Variants in GRM6 observed in about 807,000 individuals in gnomAD.
The protein encoded by GRM6 is glutamate metabotropic receptor 6, also known as metabotropic glutamate receptor 6.
Under a neutral mutation model 78.4 loss-of-function variants are expected in GRM6, and 73 were observed. The ratio of observed to expected loss-of-function variants is 0.93; its 90% CI spans 0.77 to 1.13. GRM6 has a LOEUF of 1.13. GRM6 is among the 50% of genes most tolerant of loss of function. GRM6 has a pLI of 0.00. For synonymous variants in GRM6, 580 were observed against 555.0 expected, an observed-to-expected ratio of 1.05 and a Z score of -0.63; for missense variants, 1,251 against 1,256.4, an observed-to-expected ratio of 1.00 and a Z score of 0.07.
intron 10 of GRM6, among the ~76,000 whole-genome samples, chr5:178,982,262 G>A (rs4423985): frequency 0.026 from 3,900 of 152,300 alleles, 80 homozygotes; most frequent in South Asian, 0.074. Context: ...ATGGGCTGAC[G>A]CATTAATGGG....
rs1381420140 is a variant in GRM6, at chr5:178,981,088, C to T, written c.*569G>A. The T allele has an allele frequency of 6.2e-6, 1 of 161,620 alleles. No homozygotes were observed. Among genetic ancestry groups the T allele is most frequent in the Non-Finnish European group, 1.4e-5 (1 of 73,892 alleles). The allele number at this position is 161,620 out of a possible 1,614,324, so 10.0% of individuals were successfully genotyped here. A position where few individuals can be genotyped will look rare whatever the true frequency, so the allele number is the denominator to read the frequency against. ...GTTCCTCAGCTCACTCCCGCGCCCACTGCAGGCCCTTCCCATGCTCACAGG... is the reference window on the plus strand; with the variant it reads ...GTTCCTCAGCTCACTCCCGCGCCCATTGCAGGCCCTTCCCATGCTCACAGG... On this transcript the variant is annotated 3_prime_UTR_variant, in exon 11 of 11. Transcript: ENST00000517717. The surrounding 1 kb of genome is among the most constrained non-coding windows in gnomAD (Gnocchi z 5.1).
intron 2 of GRM6, among the ~76,000 whole-genome samples, chr5:178,993,349 C>T (rs980590312): frequency 6.6e-6 from 1 of 152,114 alleles, no homozygotes; most frequent in Non-Finnish European, 1.5e-5. Flanking sequence ...AACTAGAGCT[C>T]TAGGCAGGGC....
At chr5:178,985,830 T>A in intron 9 of GRM6, 1 of 535,378 alleles carries the variant, frequency 1.9e-6, no homozygotes, top group Non-Finnish European at 3.4e-6. Context: ...GGTGCGATCT[T>A]GGCTCACAGC....
In GRM6 at chr5:178,992,357, C is replaced by T. The variant is rs1469122448; in HGVS notation, c.505-274G>A. 15 of 590,190 alleles carry T rather than the reference C, an allele frequency of 2.5e-5. No homozygotes were observed. Among genetic ancestry groups the T allele is most frequent in the East Asian group, 7.2e-5 (2 of 27,610 alleles). The allele number at this position is 590,190 out of a possible 1,614,324, so 36.6% of individuals were successfully genotyped here. On this transcript the variant is annotated intron_variant, in intron 2 of 10. Transcript: ENST00000517717. This position sits in a 1 kb window ranked among gnomAD's most constrained non-coding sequence, Gnocchi z 4.9. Reference sequence around the variant, plus strand: ...TGCAGGGCTGGGGAGAGGGCAGGACCGCCACATATACTGGTACAAGCTGTG... The same window carrying T: ...TGCAGGGCTGGGGAGAGGGCAGGACTGCCACATATACTGGTACAAGCTGTG...
Position 178,983,117 on chromosome 5 carries a change from C to T in GRM6, c.2229G>A (p.Lys743=), listed in dbSNP as rs1263171564. 1.9e-6 allele frequency: 3 copies of T among 1,614,166 alleles called. No homozygotes were observed. The highest frequency in any genetic ancestry group is 1.6e-4 in the Middle Eastern group (1 of 6,062). ...TGAGAGACAGATCCGACATGTCGCA[C>T]TTGAGCACCCCTCTGGCCTGCTCGG... is the stretch of plus-strand genomic sequence containing the variant. ...VDPEQARGVL[K]CDMSDLSLIG... is the part of the protein sequence containing the mutation. The change falls in exon 10 of 11, where the codon AAG becomes AAA. Residue 743 remains lysine, a synonymous_variant. Transcript: ENST00000517717.
In GRM6 at chr5:178,994,560, G is replaced by A. The variant is rs1282421382; in HGVS notation, c.385C>T (p.Arg129Cys). 1 of 1,337,884 alleles carries A rather than the reference G, an allele frequency of 7.5e-7. No homozygotes were observed. The highest frequency in any genetic ancestry group is 9.5e-7 in the Non-Finnish European group (1 of 1,050,174). The allele number at this position is 1,337,884 out of a possible 1,614,324, so 82.9% of individuals were successfully genotyped here. The change falls in exon 2 of 11, where the codon CGC becomes TGC. Residue 129 changes from arginine to cysteine, a missense_variant. Coordinates refer to ENST00000517717, the MANE Select transcript of GRM6 (RefSeq NM_000843.4). The stretch of plus-strand genomic sequence containing the variant: ...AGCGGAGGGACGCCTCCCGGGCAGC[G>A]CACGCCCACCTCGTCGCCGTCGCCG... ...GRGDGDEVGV[R>C]CPGGVPPLRP...
intron 9 of GRM6, chr5:178,985,763 A>G (rs1450343554): frequency 4.3e-6 from 2 of 462,434 alleles, no homozygotes; most frequent in Non-Finnish European, 8.4e-6. Flanking sequence ...TAAAAACGGC[A>G]TTTATCTTTT....
Position 178,991,949 on chromosome 5 carries a change from C to G in GRM6, c.639G>C (p.Trp213Cys), listed in dbSNP as rs2113343333. The G allele has an allele frequency of 6.2e-7, 1 of 1,614,146 alleles. No individual in the cohort carries two copies. The highest frequency in any genetic ancestry group is 2.2e-5 in the East Asian group (1 of 44,872). Residue 213 changes from tryptophan to cysteine, a missense_variant, in exon 3 of 11, where the codon TGG becomes TGC. Coordinates refer to ENST00000517717, the MANE Select transcript of GRM6 (RefSeq NM_000843.4). The surrounding 1 kb of genome is among the most constrained non-coding windows in gnomAD (Gnocchi z 5.0). ...CGGAGGCCAGCGTGGACACATAGTT[C>G]CATCCCAGTGCCCTCACGATGTCCA... ...AMVDIVRALG[W>C]NYVSTLASEG...
chr5:178,986,296 C>A lies in GRM6; in HGVS notation c.1958G>T (p.Arg653Leu), dbSNP rs62638622. The stretch of plus-strand genomic sequence containing the variant: ...CGTGCCCAGGCCCAGGAAGAGCCTG[C>A]GGGCGGCACAGACCGCGGCCCCAGG... ...AEPGAAVCAARRLFLGLGTTL... is the reference protein window; with the variant it reads ...AEPGAAVCAALRLFLGLGTTL... Residue 653 changes from arginine to leucine, a missense_variant, in exon 9 of 11, where the codon CGC becomes CTC. Physicochemically the swap from Arg to Leu is moderately radical, Grantham distance 102 (BLOSUM62 -2). Transcript: ENST00000517717. 4.3e-6 allele frequency: 7 copies of A among 1,613,726 alleles called. No individual in the cohort carries two copies. Among genetic ancestry groups the A allele is most frequent in the African/African-American group, 2.7e-5 (2 of 74,940 alleles).
Position 178,991,319 on chromosome 5 carries a change from G to C in GRM6, c.857+105C>G. 1 of 1,139,634 alleles carries C rather than the reference G, an allele frequency of 8.8e-7. No individual in the cohort carries two copies. Among genetic ancestry groups the C allele is most frequent in the Non-Finnish European group, 1.3e-6 (1 of 757,164 alleles). 70.6% of individuals were successfully genotyped at this position (1,139,634 alleles called of 1,614,324 possible). ...GGGAAGGTGGGGGGTGCGGGGAGCA[G>C]GGGAAAGGGAGGCAGGGAGAGTGTG... On this transcript the variant is annotated intron_variant, in intron 4 of 10. Transcript: ENST00000517717. This position sits in a 1 kb window ranked among gnomAD's most constrained non-coding sequence, Gnocchi z 5.0.
At chr5:178,982,576 CAAAAAAAAA>C (rs70997654) in intron 10 of GRM6, among the ~76,000 whole-genome samples, 1 of 20,168 alleles carries the variant, frequency 5.0e-5, no homozygotes, top group African/African-American at 2.5e-4. Flanking sequence ...GACTCTGTCT[CAAAAAAAAA>C]AAAAAAAAAA....
Position 178,992,701 on chromosome 5 carries a change from G to T in GRM6, c.505-618C>A, listed in dbSNP as rs961453994. ...ACGGGGCTGAGAAGGCCGCCAAGAG[G>T]GGGCTATGGGGCTCCAGCGCAAGAG... is the stretch of plus-strand genomic sequence containing the variant. On this transcript the variant is annotated intron_variant, in intron 2 of 10. Coordinates refer to ENST00000517717, the MANE Select transcript of GRM6 (RefSeq NM_000843.4). The surrounding 1 kb of genome is among the most constrained non-coding windows in gnomAD (Gnocchi z 4.9). 6.6e-5 allele frequency among the ~76,000 whole-genome samples: 10 copies of T among 152,276 alleles called. No homozygotes were observed. The highest frequency in any genetic ancestry group is 4.6e-4 in the Admixed American group (7 of 15,300).
In GRM6 at chr5:178,978,768, A is replaced by C. The variant is rs1405274398; in HGVS notation, c.*2889T>G. On this transcript the variant is annotated 3_prime_UTR_variant, in exon 11 of 11. Transcript: ENST00000517717. ...ACAAATGGGACAAAACCTTCGGTGC[A>C]GGTCAGCTCTCACTCGACATAAGAG... The C allele has an allele frequency of 6.6e-6, 1 of 152,254 alleles. No individual in the cohort carries two copies. The highest frequency in any genetic ancestry group is 1.5e-5 in the Non-Finnish European group (1 of 68,050). 9.4% of individuals were successfully genotyped at this position (152,254 alleles called of 1,614,324 possible).
chr5:178,988,073 T>C lies in GRM6; in HGVS notation c.1354+862A>G, dbSNP rs768486615. On this transcript the variant is annotated intron_variant, in intron 7 of 10. Coordinates refer to ENST00000517717, the MANE Select transcript of GRM6 (RefSeq NM_000843.4). The surrounding 1 kb of genome is among the most constrained non-coding windows in gnomAD (Gnocchi z 6.0). ...TTGCGCCCAGACTGAATGTATTTAA[T>C]ATCACTGAACTCTACACTTAAAAAA... Among the ~76,000 whole-genome samples, 5 of 152,156 alleles carry C rather than the reference T, an allele frequency of 3.3e-5. No individual in the cohort carries two copies. Among genetic ancestry groups the C allele is most frequent in the Admixed American group, 6.5e-5 (1 of 15,280 alleles).
rs984079968 is a variant in GRM6 at position 178,992,689 on chromosome 5, GGCC to G, written c.505-609_505-607del. ...GGAGGCAGAGACACGGGGCTGAGAAGGCCGCCAAGAGGGGGCTATGGGGCTCCA... is the reference window on the plus strand; with the variant it reads ...GGAGGCAGAGACACGGGGCTGAGAAGGCCAAGAGGGGGCTATGGGGCTCCA... On this transcript the variant is annotated intron_variant, in intron 2 of 10. Transcript: ENST00000517717. This position sits in a 1 kb window ranked among gnomAD's most constrained non-coding sequence, Gnocchi z 4.9. 1.3e-5 allele frequency among the ~76,000 whole-genome samples: 2 copies of G among 152,132 alleles called. No homozygotes were observed. Among genetic ancestry groups the G allele is most frequent in the African/African-American group, 4.8e-5 (2 of 41,420 alleles).
intron 9 of GRM6, 123 bp from the exon 10 acceptor site, chr5:178,983,344 C>T (rs1760444080): frequency 5.8e-6 from 5 of 857,284 alleles, no homozygotes; most frequent in Non-Finnish European, 9.5e-6. Context: ...GGATGCTCCA[C>T]CTCTTCGTGG....
Position 178,994,697 on chromosome 5 carries a change from G to A in GRM6, c.248C>T (p.Pro83Leu), listed in dbSNP as rs760673922. Residue 83 changes from proline to leucine, a missense_variant, in exon 2 of 11, where the codon CCC becomes CTC. Pro to Leu is a moderately conservative substitution (Grantham distance 98). Coordinates refer to ENST00000517717, the MANE Select transcript of GRM6 (RefSeq NM_000843.4). ...LYALDRVNAD[P>L]ELLPGVRLGA... ...CAGGCGCACGCCGGGCAGCAGCTCG[G>A]GGTCGGCGTTGACGCGGTCCAGCGC... 6 of 1,469,944 alleles carry A rather than the reference G, an allele frequency of 4.1e-6. No homozygotes were observed. Among genetic ancestry groups the A allele is most frequent in the African/African-American group, 1.5e-5 (1 of 68,120 alleles). 91.1% of individuals were successfully genotyped at this position (1,469,944 alleles called of 1,614,324 possible).
chr5:178,989,186 C>A, intron 6 of GRM6, 51 bp from the exon 7 acceptor site: 2 of 1,584,422 alleles, frequency 1.3e-6, no homozygotes, highest in East Asian at 2.3e-5. Flanking sequence ...TGCACCGAAC[C>A]CGGCCTCCCG....
In GRM6 at chr5:178,978,359, G is replaced by A. The variant is rs1190278243; in HGVS notation, c.*3298C>T. On this transcript the variant is annotated 3_prime_UTR_variant, in exon 11 of 11. Coordinates refer to ENST00000517717, the MANE Select transcript of GRM6 (RefSeq NM_000843.4). ...AAAAGTTAAATTTATTGAACAGGAA[G>A]TAACTGAATAAAGTCAGTTACCTGG... 6 of 152,294 alleles carry A rather than the reference G, an allele frequency of 3.9e-5. No individual in the cohort carries two copies. The East Asian group carries it at 1.2e-3, about 29-fold the overall frequency. 9.4% of individuals were successfully genotyped at this position (152,294 alleles called of 1,614,324 possible).
Sources: allele counts gnomAD v4.1 joint callset (sites outside exome capture counted in the v4.1 genomes callset), GRCh38; gene constraint gnomAD v4.1.1; non-coding constraint Gnocchi (gnomAD v3.1); transcripts MANE v1.5; gene names NCBI Gene and HGNC (gene_info 2026-07-23, HGNC 2026-07-21).